Variants in CADM2 observed in about 807,000 individuals in gnomAD.
CADM2 encodes the protein cell adhesion molecule 2.
A neutral mutation model predicts 49.8 loss-of-function variants in CADM2; 12 were observed. That is an observed-to-expected ratio of 0.24 (90% CI 0.15 to 0.39). The LOEUF is 0.39. Ranked by LOEUF, CADM2 falls within the 10% of genes least tolerant of loss-of-function variation. CADM2 has a pLI of 1.00. For synonymous variants in CADM2, 214 were observed against 175.4 expected (o/e 1.22, Z -1.74); for missense variants, 378 against 492.3 (o/e 0.77, Z 2.20).
intron 2 of CADM2, among the ~76,000 whole-genome samples, chr3:85,766,121 G>C (rs2069644722): frequency 6.6e-6 from 1 of 152,124 alleles, no homozygotes. Context: ...ACATAGAAGA[G>C]AGTAATACCT....
At chr3:85,149,121 T>A (rs1035215935) in intron 1 of CADM2, among the ~76,000 whole-genome samples, 2 of 151,962 alleles carry the variant, frequency 1.3e-5, no homozygotes, top group African/African-American at 4.8e-5. Context: ...AAAAAATCAA[T>A]AATTAGAAAA....
chr3:85,295,055 G>A (rs972620866), intron 1 of CADM2, among the ~76,000 whole-genome samples: 62 of 152,034 alleles, frequency 4.1e-4, no homozygotes, highest in Admixed American at 4.6e-4. Context: ...ACAAAGGGCT[G>A]ATATCCAGAA....
At chr3:85,117,903 C>T (rs1433430316) in intron 1 of CADM2, among the ~76,000 whole-genome samples, 2 of 152,030 alleles carry the variant, frequency 1.3e-5, no homozygotes, top group East Asian at 3.9e-4. Flanking sequence ...TGATTCGGCC[C>T]TATTATAATG....
At chr3:85,522,818 G>A (rs758061631) in intron 1 of CADM2, among the ~76,000 whole-genome samples, 1 of 151,980 alleles carries the variant, frequency 6.6e-6, no homozygotes, top group Non-Finnish European at 1.5e-5. Flanking sequence ...GAAAGACACA[G>A]GGCTGATAGC....
At chr3:85,009,349 A>T (rs2033880931) in intron 1 of CADM2, among the ~76,000 whole-genome samples, 2 of 152,138 alleles carry the variant, frequency 1.3e-5, no homozygotes, top group Non-Finnish European at 2.9e-5. Flanking sequence ...AATTTGGTGG[A>T]TCTGTTCAAG....
intron 1 of CADM2, among the ~76,000 whole-genome samples, chr3:85,037,796 T>C (rs2035280074): frequency 6.6e-6 from 1 of 152,212 alleles, no homozygotes; most frequent in Non-Finnish European, 1.5e-5. Context: ...AAGAATGTCA[T>C]CCTTCAAGCT....
chr3:85,303,044 T>C (rs750404393), intron 1 of CADM2, among the ~76,000 whole-genome samples: 11 of 152,096 alleles, frequency 7.2e-5, no homozygotes, highest in Non-Finnish European at 1.5e-4. Context: ...GTTCATGTAA[T>C]TAATTAAGTC....
chr3:85,875,894 T>A (rs1711760844), intron 3 of CADM2, among the ~76,000 whole-genome samples: 1 of 152,170 alleles, frequency 6.6e-6, no homozygotes, highest in African/African-American at 2.4e-5. Flanking sequence ...ATCAAAGGCC[T>A]TATGGGTAGA....
chr3:86,031,005 A>T (rs1402465117), intron 8 of CADM2, among the ~76,000 whole-genome samples: 10 of 151,798 alleles, frequency 6.6e-5, no homozygotes, highest in African/African-American at 2.4e-5. Context: ...GTAGATTTGG[A>T]CGTTCTTTGA....
At chr3:85,796,015 T>C (rs2071598191) in intron 2 of CADM2, among the ~76,000 whole-genome samples, 1 of 152,212 alleles carries the variant, frequency 6.6e-6, no homozygotes, top group Non-Finnish European at 1.5e-5. Context: ...ATGGGAATGT[T>C]TTGAAAATTG....
chr3:85,645,714 T>G (rs891779375), intron 1 of CADM2, among the ~76,000 whole-genome samples: 5 of 151,984 alleles, frequency 3.3e-5, no homozygotes, highest in Non-Finnish European at 7.4e-5. Flanking sequence ...ATATATAATC[T>G]GTAAAGAATA....
chr3:85,152,341 G>A (rs1399731217), intron 1 of CADM2, among the ~76,000 whole-genome samples: 6 of 152,118 alleles, frequency 3.9e-5, no homozygotes, highest in Admixed American at 6.5e-5. Context: ...ACAAGGATGT[G>A]TGGCCAAAAG....
intron 1 of CADM2, among the ~76,000 whole-genome samples, chr3:85,138,294 A>G (rs1392587573): frequency 6.6e-6 from 1 of 152,164 alleles, no homozygotes; most frequent in Non-Finnish European, 1.5e-5. Context: ...TTTCTCAAGA[A>G]TGGGAAAGGT....
chr3:85,116,704 T>C lies in CADM2; in HGVS notation c.61+157036T>C, dbSNP rs145315060. On this transcript the variant is annotated intron_variant, in intron 1 of 9. Coordinates refer to ENST00000383699, the MANE Select transcript of CADM2 (RefSeq NM_001167675.2). ...TAGGCAACCCTACTTATCAGCCGTT[T>C]AATGTGAGGCCTGTCTTGTTCCAGT... Among the ~76,000 whole-genome samples the C allele has an allele frequency of 2.0e-4, 31 of 152,278 alleles. No homozygotes were observed. The East Asian group carries it at 5.8e-3, about 28-fold the overall frequency.
chr3:85,301,465 A>G (rs1346304075), intron 1 of CADM2, among the ~76,000 whole-genome samples: 1 of 152,038 alleles, frequency 6.6e-6, no homozygotes, highest in Non-Finnish European at 1.5e-5. Context: ...TCCATTTTTT[A>G]GGACCTGCTA....
intron 8 of CADM2, among the ~76,000 whole-genome samples, chr3:86,008,782 C>A (rs928785872): frequency 1.1e-4 from 17 of 151,902 alleles, no homozygotes; most frequent in African/African-American, 2.7e-4. Context: ...AGGTTATCTT[C>A]TCTCAAATTA....
Position 85,296,721 on chromosome 3 carries a change from C to G in CADM2, c.61+337053C>G, listed in dbSNP as rs1324133412. Among the ~76,000 whole-genome samples, 6 of 152,132 alleles carry G rather than the reference C, an allele frequency of 3.9e-5. No individual in the cohort carries two copies. In the East Asian group the frequency reaches 1.2e-3, roughly 30 times the overall value. ...TTCCCTTTTATTTCTAAGATCTAAT[C>G]AAATTGGATAAGGGAGTGCTCTTTA... On this transcript the variant is annotated intron_variant, in intron 1 of 9. Transcript: ENST00000383699.
At chr3:85,350,982 T>A (rs1445619357) in intron 1 of CADM2, among the ~76,000 whole-genome samples, 3 of 152,084 alleles carry the variant, frequency 2.0e-5, no homozygotes, top group Admixed American at 6.6e-5. Flanking sequence ...CAAGAAAAAA[T>A]ATTCTCAAAA....
chr3:85,328,144 G>C (rs1422222818), intron 1 of CADM2, among the ~76,000 whole-genome samples: 2 of 152,124 alleles, frequency 1.3e-5, no homozygotes, highest in African/African-American at 4.8e-5. Flanking sequence ...CAAGTAACTT[G>C]TCTCTTGTGA....
Sources: allele counts gnomAD v4.1 joint callset (sites outside exome capture counted in the v4.1 genomes callset), GRCh38; gene constraint gnomAD v4.1.1; transcripts MANE v1.5; gene names NCBI Gene and HGNC (gene_info 2026-07-23, HGNC 2026-07-21).